Variants in PRSS23 observed in about 807,000 individuals in gnomAD.
The protein encoded by PRSS23 is serine protease 23.
A neutral mutation model predicts 34.7 loss-of-function variants in PRSS23; 25 were observed. The observed-to-expected ratio is 0.72, with a 90% CI of 0.53 to 1.01. The LOEUF is 1.01. Ranked by LOEUF, PRSS23 falls within the 50% of genes least tolerant of loss-of-function variation. The probability of loss-of-function intolerance (pLI) is 0.00; values close to 1 mark genes in which losing one functional copy is unlikely to be tolerated. For missense variants in PRSS23, 445 were observed against 475.6 expected, an observed-to-expected ratio of 0.94 and a Z score of 0.60; for synonymous variants, 176 against 186.6, an observed-to-expected ratio of 0.94 and a Z score of 0.46.
Position 86,800,608 on chromosome 11 carries a change from G to A in PRSS23, c.-57G>A. 1.0e-6 allele frequency: 1 copy of A among 985,168 alleles called. No homozygotes were observed. Among genetic ancestry groups the A allele is most frequent in the Non-Finnish European group, 1.2e-6 (1 of 829,868 alleles). The allele number at this position is 985,168 out of a possible 1,614,324, so 61.0% of individuals were successfully genotyped here. A position where few individuals can be genotyped will look rare whatever the true frequency, so the allele number is the denominator to read the frequency against. ...TCTCTCCCGGCGCCCACACCTGTCTGAGCGGCGCAGCGAGCCGCGGCCCGG... is the reference window on the plus strand; with the variant it reads ...TCTCTCCCGGCGCCCACACCTGTCTAAGCGGCGCAGCGAGCCGCGGCCCGG... On this transcript the variant is annotated 5_prime_UTR_variant, in exon 1 of 2. It removes the in-frame stop codon of an upstream open reading frame in the 5' UTR. Transcript: ENST00000280258.
intron 1 of PRSS23, chr11:86,821,714 C>T: frequency 7.0e-7 from 1 of 1,437,346 alleles, no homozygotes; most frequent in South Asian, 1.2e-5. Context: ...TGTTGAACAG[C>T]TAGTGTACTG....
chr11:86,818,755 C>T (rs1590877083), intron 1 of PRSS23, among the ~76,000 whole-genome samples: 2 of 152,114 alleles, frequency 1.3e-5, no homozygotes, highest in African/African-American at 2.4e-5. Flanking sequence ...TGATCTTTTC[C>T]ACACCTTCTC....
chr11:86,933,539 C>T (rs1226506767), intron 2 of PRSS23: 1 of 152,158 alleles, frequency 6.6e-6, no homozygotes, highest in African/African-American at 2.4e-5. Context: ...CTACTATAGT[C>T]TAGGACTGAG....
intron 2 of PRSS23, chr11:86,912,254 T>A: frequency 6.6e-6 from 1 of 152,252 alleles, no homozygotes; most frequent in Admixed American, 6.5e-5. Context: ...AATTATGTGA[T>A]GGTTATCTTT....
intron 2 of PRSS23, among the ~76,000 whole-genome samples, chr11:86,929,535 T>C (rs544387194): frequency 1.2e-4 from 17 of 139,704 alleles, no homozygotes; most frequent in South Asian, 7.0e-4. Flanking sequence ...CCCAGATACT[T>C]GGGAGGCTGA....
intron 2 of PRSS23, among the ~76,000 whole-genome samples, chr11:86,829,970 C>T (rs1407845643): frequency 9.9e-5 from 15 of 152,284 alleles, no homozygotes; most frequent in African/African-American, 3.4e-4. Context: ...GCAGTCTGCC[C>T]GTCCTCAGAT....
intron 2 of PRSS23, among the ~76,000 whole-genome samples, chr11:86,826,245 G>T (rs1471316977): frequency 2.6e-5 from 4 of 151,336 alleles, no homozygotes; most frequent in African/African-American, 9.8e-5. Flanking sequence ...TGAAGCAATT[G>T]TGAATGGGAG....
At chr11:86,927,825 C>T (rs1276402700) in intron 2 of PRSS23, among the ~76,000 whole-genome samples, 1 of 151,972 alleles carries the variant, frequency 6.6e-6, no homozygotes, top group African/African-American at 2.4e-5. Flanking sequence ...GACCAGCCTG[C>T]ACCTGTAGTC....
At chr11:86,796,916 A>G (rs553837407), upstream of PRSS23, among the ~76,000 whole-genome samples, 90 of 152,340 alleles carry the variant, frequency 5.9e-4, no homozygotes, top group Non-Finnish European at 1.1e-3. Context: ...CAGAGTGGGA[A>G]TTAATGATTC....
At chr11:86,832,155 C>T (rs549029837) in intron 2 of PRSS23, among the ~76,000 whole-genome samples, 4 of 151,988 alleles carry the variant, frequency 2.6e-5, no homozygotes, top group Admixed American at 1.3e-4. Flanking sequence ...TCACCATGTG[C>T]GTACACCCCC....
chr11:86,875,359 G>A (rs561090567), intron 2 of PRSS23, among the ~76,000 whole-genome samples: 3 of 152,184 alleles, frequency 2.0e-5, no homozygotes, highest in East Asian at 1.9e-4. Context: ...CAACAAGAGC[G>A]AAACTCTGTC....
At chr11:86,812,865 A>G (rs187121598), downstream of PRSS23, among the ~76,000 whole-genome samples, 5 of 152,204 alleles carry the variant, frequency 3.3e-5, no homozygotes, top group African/African-American at 4.8e-5. Context: ...GCAGCCTGGT[A>G]TGGGAAGATG....
chr11:86,793,789 G>C (rs1414557654), intron 1 of PRSS23, among the ~76,000 whole-genome samples: 1 of 152,084 alleles, frequency 6.6e-6, no homozygotes, highest in Non-Finnish European at 1.5e-5. Flanking sequence ...TAGGTTCTCT[G>C]CTAGACTATA....
intron 2 of PRSS23, among the ~76,000 whole-genome samples, chr11:86,845,090 G>GA (rs199809989): frequency 0.013 from 1,588 of 118,702 alleles, 17 homozygotes; most frequent in African/African-American, 0.038. Context: ...CTCTGTCTCA[G>GA]AAAAAAAAAA....
At chr11:86,947,102 C>G (rs367857971) in intron 2 of PRSS23, 1 of 154,190 alleles carries the variant, frequency 6.5e-6, no homozygotes, top group East Asian at 1.9e-4. Context: ...CCTCAGGAGG[C>G]TGTGGCAGGA....
chr11:86,850,494 G>C (rs530468622), intron 2 of PRSS23, among the ~76,000 whole-genome samples: 31 of 152,234 alleles, frequency 2.0e-4, no homozygotes, highest in African/African-American at 7.2e-4. Flanking sequence ...ATTTCCCTGT[G>C]TCAGGACTTA....
chr11:86,807,142 T>A (rs191210200), intron 1 of PRSS23, among the ~76,000 whole-genome samples: 5 of 152,340 alleles, frequency 3.3e-5, no homozygotes, highest in African/African-American at 1.2e-4. Flanking sequence ...CAGTAAGCCA[T>A]GTAATTTAAA....
At chr11:86,895,272 G>A (rs1364226922) in intron 2 of PRSS23, among the ~76,000 whole-genome samples, 1 of 152,102 alleles carries the variant, frequency 6.6e-6, no homozygotes, top group Non-Finnish European at 1.5e-5. Context: ...TGACATATGT[G>A]AACTTCTGTG....
intron 2 of PRSS23, among the ~76,000 whole-genome samples, chr11:86,843,716 A>G (rs1948465522): frequency 1.3e-5 from 2 of 152,240 alleles, no homozygotes; most frequent in Non-Finnish European, 2.9e-5. Context: ...CTACAATGAG[A>G]TCTCATTTTA....
Sources: allele counts gnomAD v4.1 joint callset (sites outside exome capture counted in the v4.1 genomes callset), GRCh38; gene constraint gnomAD v4.1.1; transcripts MANE v1.5; gene names NCBI Gene and HGNC (gene_info 2026-07-23, HGNC 2026-07-21).